Variants in USH2A observed in about 807,000 individuals in gnomAD.
The protein encoded by USH2A is usherin.
Under a neutral mutation model 538.9 loss-of-function variants are expected in USH2A, and 443 were observed. The observed-to-expected ratio is 0.82, with a 90% CI of 0.76 to 0.89. The LOEUF (loss-of-function observed/expected upper bound fraction) is 0.89. Among genes scored for constraint, USH2A ranks in the 40% least tolerant of loss-of-function variants. The probability of loss-of-function intolerance (pLI) is 0.00; values close to 1 mark genes in which losing one functional copy is unlikely to be tolerated. For synonymous variants in USH2A, 2,413 were observed against 2,273.5 expected, an observed-to-expected ratio of 1.06 and a Z score of -1.75; for missense variants, 6,633 against 6,324.8, an observed-to-expected ratio of 1.05 and a Z score of -1.65.
intron 3 of USH2A, among the ~76,000 whole-genome samples, chr1:216,407,045 C>T (rs2039408162): frequency 6.6e-6 from 1 of 152,036 alleles, no homozygotes; most frequent in South Asian, 2.1e-4. Context: ...CCCCAAATCC[C>T]TAGCTATGTC....
intron 37 of USH2A, among the ~76,000 whole-genome samples, chr1:215,957,526 G>A (rs1323821503): frequency 6.6e-6 from 1 of 152,070 alleles, no homozygotes; most frequent in Non-Finnish European, 1.5e-5. Context: ...CACAGATTGG[G>A]TTTTATATTT....
chr1:216,285,744 G>T (rs188665166), intron 11 of USH2A, among the ~76,000 whole-genome samples: 1 of 152,342 alleles, frequency 6.6e-6, no homozygotes, highest in East Asian at 1.9e-4. Flanking sequence ...GGGCCGAGCT[G>T]CCCAAGGCTG....
Position 216,078,004 on chromosome 1 carries a change from T to C in USH2A, c.5572+85A>G, listed in dbSNP as rs1406704720. 4.5e-6 allele frequency: 7 copies of C among 1,547,072 alleles called. No individual in the cohort carries two copies. The Admixed American group carries it at 8.4e-5, about 18-fold the overall frequency. On this transcript the variant is annotated intron_variant, in intron 27 of 71. Transcript: ENST00000307340. ...GGGTGCTGCTTTTAGCCTGAGTCTA[T>C]TGCTATCTCTTGAAACACAGAACCA...
At chr1:216,016,441 C>G (rs1668713329) in intron 32 of USH2A, among the ~76,000 whole-genome samples, 1 of 152,160 alleles carries the variant, frequency 6.6e-6, no homozygotes, top group African/African-American at 2.4e-5. Flanking sequence ...ATACTAAACT[C>G]AACAAATTCT....
intron 44 of USH2A, among the ~76,000 whole-genome samples, chr1:215,850,124 TA>T (rs563386726): frequency 4.1e-4 from 63 of 151,930 alleles, no homozygotes; most frequent in Non-Finnish European, 8.1e-4. Flanking sequence ...AATAGTTGCA[TA>T]AAAAAATTAT....
At chr1:216,394,720 C>CT (rs780581599) in intron 3 of USH2A, among the ~76,000 whole-genome samples, 1,240 of 120,370 alleles carry the variant, frequency 0.01, 44 homozygotes, top group African/African-American at 0.034. Context: ...CTGGTCCAGT[C>CT]TTTTTTTTTT....
At chr1:215,987,386 G>A (rs1345674546) in intron 35 of USH2A, among the ~76,000 whole-genome samples, 1 of 152,110 alleles carries the variant, frequency 6.6e-6, no homozygotes, top group Non-Finnish European at 1.5e-5. Flanking sequence ...ACATAATAAG[G>A]GTTCCTATAG....
At chr1:215,862,356 T>C (rs1265729106) in intron 44 of USH2A, among the ~76,000 whole-genome samples, 1 of 152,006 alleles carries the variant, frequency 6.6e-6, no homozygotes, top group Non-Finnish European at 1.5e-5. Flanking sequence ...TAGTTGGGAA[T>C]TGAACAATGA....
intron 32 of USH2A, among the ~76,000 whole-genome samples, chr1:216,027,482 T>C (rs1440273869): frequency 6.6e-5 from 10 of 152,190 alleles, no homozygotes. Context: ...ACCATTCCTG[T>C]GAGTGGATTA....
chr1:215,888,463 G>A lies in USH2A; in HGVS notation c.8186C>T (p.Pro2729Leu), dbSNP rs1420866718. The A allele has an allele frequency of 1.9e-6, 3 of 1,613,722 alleles. No homozygotes were observed. The Admixed American group carries it at 5.0e-5, about 27-fold the overall frequency. The change falls in exon 41 of 72, where the codon CCA (proline) becomes CTA (leucine). Residue 2729 changes from proline (P) to leucine (L), a missense_variant. Pro to Leu is a moderately conservative substitution (Grantham distance 98). Coordinates refer to ENST00000307340, the MANE Select transcript of USH2A (RefSeq NM_206933.4). ...GGGTTCCAGCACTGTCACCACAGGTGGCTGCACCCCAGCAGGTCGTGAGGG... is the reference window on the plus strand; with the variant it reads ...GGGTTCCAGCACTGTCACCACAGGTAGCTGCACCCCAGCAGGTCGTGAGGG... ...TRPSRPAGVQ[P>L]PVVTVLEPDA...
chr1:216,374,003 A>T (rs1481773985), intron 3 of USH2A, among the ~76,000 whole-genome samples: 2 of 151,372 alleles, frequency 1.3e-5, no homozygotes, highest in Non-Finnish European at 2.9e-5. Context: ...TATCGCAAGG[A>T]CAAAAAACCA....
intron 15 of USH2A, among the ~76,000 whole-genome samples, chr1:216,210,767 G>C (rs956827231): frequency 6.6e-6 from 1 of 151,958 alleles, no homozygotes; most frequent in Non-Finnish European, 1.5e-5. Context: ...CGGATCACGA[G>C]GTCAGGAGAT....
chr1:215,874,404 AATC>A (rs1664705898), intron 43 of USH2A, among the ~76,000 whole-genome samples: 2 of 152,218 alleles, frequency 1.3e-5, no homozygotes, highest in Non-Finnish European at 2.9e-5. Flanking sequence ...TACCTAAGAT[AATC>A]ATAAGAGCAA....
Position 216,166,442 on chromosome 1 carries a change from G to A in USH2A, c.4627+8810C>T, listed in dbSNP as rs139147506. Among the ~76,000 whole-genome samples the A allele has an allele frequency of 4.7e-3, 713 of 152,122 alleles. 4 individuals carry two copies. Among genetic ancestry groups the A allele is most frequent in the African/African-American group, 0.017 (688 of 41,484 alleles). On this transcript the variant is annotated intron_variant, in intron 21 of 71. Coordinates refer to ENST00000307340, the MANE Select transcript of USH2A (RefSeq NM_206933.4). Reference sequence around the variant, plus strand: ...GGTTTGTGAAGGGCATCTCTCGCTGGGAAACCATTAAAAGGTTTTACACAA... The same window carrying A: ...GGTTTGTGAAGGGCATCTCTCGCTGAGAAACCATTAAAAGGTTTTACACAA...
At chr1:215,655,226 A>C (rs1188182216) in intron 64 of USH2A, among the ~76,000 whole-genome samples, 1 of 152,226 alleles carries the variant, frequency 6.6e-6, no homozygotes, top group Non-Finnish European at 1.5e-5. Context: ...TAGGCACTGT[A>C]CATTTTCAAT....
In USH2A at chr1:216,261,537, TAATG is replaced by T. The variant is rs367744420; in HGVS notation, c.1972-10443_1972-10440del. ...AATACATCAGAAAGGCTAACAATAA[TAATG>T]AGATGAAAACAAATTTTCAGAAATA... On this transcript the variant is annotated intron_variant, in intron 11 of 71. Transcript: ENST00000307340. Among the ~76,000 whole-genome samples the T allele has an allele frequency of 2.3e-4, 34 of 146,084 alleles. No individual in the cohort carries two copies. In the East Asian group the frequency reaches 5.9e-3, roughly 25 times the overall value.
rs1275643798 is a variant in USH2A at position 215,773,346 on chromosome 1, C to G, written c.10939+6497G>C. 2.6e-5 allele frequency among the ~76,000 whole-genome samples: 4 copies of G among 152,122 alleles called. No individual in the cohort carries two copies. In the East Asian group the frequency reaches 7.8e-4, roughly 30 times the overall value. On this transcript the variant is annotated intron_variant, in intron 55 of 71. Coordinates refer to ENST00000307340, the MANE Select transcript of USH2A (RefSeq NM_206933.4). ...AATAAGATTAGGGTGGGGTGACCAGCCTTCCCCTCCCACTATGTAAATGTC... is the reference window on the plus strand; with the variant it reads ...AATAAGATTAGGGTGGGGTGACCAGGCTTCCCCTCCCACTATGTAAATGTC...
chr1:216,107,349 TAATC>T (rs2032758162), intron 21 of USH2A, among the ~76,000 whole-genome samples: 1 of 151,856 alleles, frequency 6.6e-6, no homozygotes, highest in African/African-American at 2.4e-5. Flanking sequence ...AATTTCTTCT[TAATC>T]AATTGACTAT....
In USH2A at chr1:216,000,597, A is replaced by T. The variant is rs187629791; in HGVS notation, c.6326-35T>A. On this transcript the variant is annotated intron_variant, in intron 32 of 71. Coordinates refer to ENST00000307340, the MANE Select transcript of USH2A (RefSeq NM_206933.4). The stretch of plus-strand genomic sequence containing the variant: ...AGGGAGAAACAAGAATTTACTCAGC[A>T]TTATACTTCTTATTGAGGAGATTTC... The T allele has an allele frequency of 1.9e-4, 306 of 1,611,682 alleles. 1 individual carries two copies. In the African/African-American group the frequency reaches 3.7e-3, roughly 19 times the overall value.
Sources: gnomAD v4.1 joint callset for allele counts (sites outside exome capture counted in the v4.1 genomes callset) on GRCh38, gnomAD v4.1.1 for gene constraint, MANE v1.5 for transcripts, NCBI Gene and HGNC (gene_info 2026-07-23, HGNC 2026-07-21) for gene names.